ADGRL3: variants seen among roughly 807,000 people sequenced by gnomAD.
The protein encoded by ADGRL3 is calcium-independent alpha-latrotoxin receptor 3.
ADGRL3 carries 62 observed loss-of-function variants against 153.5 expected under a neutral mutation model. The observed-to-expected ratio is 0.40, with a 90% confidence interval of 0.33 to 0.50. ADGRL3 has a LOEUF of 0.50. Among genes scored for constraint, ADGRL3 ranks in the 20% least tolerant of loss-of-function variants. The pLI, the probability that ADGRL3 is intolerant of heterozygous loss-of-function variation, is 0.47. For missense variants in ADGRL3, 1,641 were observed against 1,859.4 expected (o/e 0.88, Z 2.16); for synonymous variants, 710 against 672.5 (o/e 1.06, Z -0.86).
At chr4:61,269,544 T>G (rs1208614054) in intron 1 of ADGRL3, among the ~76,000 whole-genome samples, 2 of 151,704 alleles carry the variant, frequency 1.3e-5, no homozygotes, top group Non-Finnish European at 3.0e-5. Flanking sequence ...GGAACTGATT[T>G]GTGATTTTTT....
chr4:61,277,059 G>A (rs1162741176), intron 1 of ADGRL3, among the ~76,000 whole-genome samples: 1 of 152,036 alleles, frequency 6.6e-6, no homozygotes, highest in East Asian at 1.9e-4. Flanking sequence ...CTGAATTTTA[G>A]CAAGTGTTTT....
At chr4:61,649,914 G>A (rs918717231) in intron 5 of ADGRL3, among the ~76,000 whole-genome samples, 1 of 152,114 alleles carries the variant, frequency 6.6e-6, no homozygotes, top group African/African-American at 2.4e-5. Flanking sequence ...TTTTAGGAGG[G>A]AATTGTGATT....
chr4:61,961,715 T>C (rs1385444719), intron 17 of ADGRL3, among the ~76,000 whole-genome samples: 1 of 152,184 alleles, frequency 6.6e-6, no homozygotes, highest in African/African-American at 2.4e-5. Context: ...AGATAGTCTT[T>C]CTATTTGAGG....
Position 61,998,279 on chromosome 4 carries a change from A to T in ADGRL3, c.3395+14A>T, listed in dbSNP as rs773697819. ...TGATAACATCAAGTAAGTGATTTTT[A>T]TTTTTGTTTTCTATAGGTTGTGTTA... is the stretch of plus-strand genomic sequence containing the variant. On this transcript the variant is annotated intron_variant, in intron 21 of 26. Coordinates refer to ENST00000683033, the MANE Select transcript of ADGRL3 (RefSeq NM_001387552.1). The T allele has an allele frequency of 1.2e-4, 175 of 1,433,670 alleles. 1 individual carries two copies. The Middle Eastern group carries it at 4.2e-3, about 34-fold the overall frequency. 88.8% of individuals were successfully genotyped at this position (1,433,670 alleles called of 1,614,324 possible). A position where few individuals can be genotyped will look rare whatever the true frequency, so the allele number is the denominator to read the frequency against.
At chr4:61,331,225 G>A (rs991749992) in intron 1 of ADGRL3, among the ~76,000 whole-genome samples, 3 of 152,046 alleles carry the variant, frequency 2.0e-5, no homozygotes, top group Admixed American at 6.6e-5. Flanking sequence ...ATACCTATAC[G>A]TAAATTTTAA....
At chr4:61,371,639 C>T (rs1399602300) in intron 1 of ADGRL3, among the ~76,000 whole-genome samples, 1 of 152,086 alleles carries the variant, frequency 6.6e-6, no homozygotes, top group South Asian at 2.1e-4. Flanking sequence ...GGTAACCCGA[C>T]CTTTCTCTCT....
Position 62,071,031 on chromosome 4 carries a change from C to T in ADGRL3, c.*123C>T. On this transcript the variant is annotated 3_prime_UTR_variant, in exon 27 of 27. Transcript: ENST00000683033. ...CTTTATGCTGTCCTCTAAAGACAAA[C>T]ACAAACTCTCAGACTTTTTTTTTTT... The T allele has an allele frequency of 1.2e-6, 1 of 852,776 alleles. No homozygotes were observed. Among genetic ancestry groups the T allele is most frequent in the Non-Finnish European group, 1.8e-6 (1 of 570,522 alleles). 52.8% of individuals were successfully genotyped at this position (852,776 alleles called of 1,614,324 possible). A position where few individuals can be genotyped will look rare whatever the true frequency, so the allele number is the denominator to read the frequency against.
At chr4:61,736,088 T>C (rs1412683009) in intron 8 of ADGRL3, among the ~76,000 whole-genome samples, 2 of 152,042 alleles carry the variant, frequency 1.3e-5, no homozygotes, top group Admixed American at 1.3e-4. Flanking sequence ...TATAGTCATA[T>C]GTGTATTAGT....
chr4:61,338,276 TA>T (rs571090815), intron 1 of ADGRL3, among the ~76,000 whole-genome samples: 1,604 of 137,534 alleles, frequency 0.012, 8 homozygotes, highest in African/African-American at 0.024. Flanking sequence ...TGTCTCAATT[TA>T]AAAAAAAAAA....
intron 1 of ADGRL3, among the ~76,000 whole-genome samples, chr4:61,345,185 A>G (rs1163919217): frequency 6.6e-6 from 1 of 152,098 alleles, no homozygotes; most frequent in East Asian, 1.9e-4. Context: ...CAATGTTATT[A>G]GTTATGGATT....
rs146459262 is a variant in ADGRL3, at chr4:61,426,417, C to T, written c.-174+43228C>T. 6.7e-5 allele frequency among the ~76,000 whole-genome samples: 10 copies of T among 149,510 alleles called. 1 individual carries two copies. In the East Asian group the frequency reaches 2.0e-3, roughly 29 times the overall value. On this transcript the variant is annotated intron_variant, in intron 2 of 26. Transcript: ENST00000683033. ...AGGAAGCAGTCGCACCCTGGCTGGA[C>T]CCATCCATATGCCATGCCCCATCGG...
chr4:61,382,308 C>A (rs2096679283), intron 1 of ADGRL3, among the ~76,000 whole-genome samples: 1 of 151,082 alleles, frequency 6.6e-6, no homozygotes, highest in Non-Finnish European at 1.5e-5. Context: ...TTTGTGTAGT[C>A]ACAAACTAGT....
At chr4:61,701,443 T>TC (rs1418200284) in intron 6 of ADGRL3, among the ~76,000 whole-genome samples, 1 of 146,196 alleles carries the variant, frequency 6.8e-6, no homozygotes, top group African/African-American at 2.6e-5. Context: ...TTTTTTTTTT[T>TC]TTTTTTTTTG....
intron 1 of ADGRL3, among the ~76,000 whole-genome samples, chr4:61,347,123 G>A (rs2095933296): frequency 6.6e-6 from 1 of 152,048 alleles, no homozygotes; most frequent in African/African-American, 2.4e-5. Flanking sequence ...TACAGTGAGT[G>A]TGCTCAGAAC....
chr4:61,410,857 G>A (rs896683881), intron 2 of ADGRL3, among the ~76,000 whole-genome samples: 11 of 152,206 alleles, frequency 7.2e-5, no homozygotes, highest in African/African-American at 2.7e-4. Context: ...TTTTGGGGCA[G>A]AGAGTGGAAT....
chr4:61,693,197 C>T (rs898214882), intron 6 of ADGRL3, among the ~76,000 whole-genome samples: 1 of 151,902 alleles, frequency 6.6e-6, no homozygotes, highest in South Asian at 2.1e-4. Context: ...AAAGTATAAC[C>T]TTTTGTTTGA....
intron 8 of ADGRL3, among the ~76,000 whole-genome samples, chr4:61,755,737 T>G (rs1386043794): frequency 2.0e-5 from 3 of 152,144 alleles, no homozygotes; most frequent in South Asian, 2.1e-4. Context: ...TTATTCTAGG[T>G]TTTTTATGGT....
chr4:61,422,181 T>G (rs969872204), intron 2 of ADGRL3, among the ~76,000 whole-genome samples: 4 of 152,230 alleles, frequency 2.6e-5, no homozygotes, highest in Non-Finnish European at 5.9e-5. Context: ...TTATGTGTTC[T>G]GACTGGGGAG....
chr4:61,860,881 G>A (rs1230701302), intron 9 of ADGRL3, among the ~76,000 whole-genome samples: 5 of 152,070 alleles, frequency 3.3e-5, no homozygotes, highest in Non-Finnish European at 7.4e-5. Flanking sequence ...TAACATAACA[G>A]CAATAGAAAG....
Sources: gnomAD v4.1 joint callset for allele counts (sites outside exome capture counted in the v4.1 genomes callset) on GRCh38, gnomAD v4.1.1 for gene constraint, MANE v1.5 for transcripts, NCBI Gene and HGNC (gene_info 2026-07-23, HGNC 2026-07-21) for gene names.